PAX7: variants seen among roughly 807,000 people sequenced by gnomAD.
PAX7 encodes paired box 7, also known as paired box protein Pax-7.
A neutral mutation model predicts 50.7 loss-of-function variants in PAX7; 18 were observed. That is an observed-to-expected ratio of 0.36 (90% CI 0.25 to 0.53). PAX7 has a LOEUF of 0.53. Ranked by LOEUF, PAX7 falls within the 20% of genes least tolerant of loss-of-function variation. The pLI is 0.93. For synonymous variants in PAX7, 310 were observed against 290.4 expected, an observed-to-expected ratio of 1.07 and a Z score of -0.69; for missense variants, 644 against 702.9, an observed-to-expected ratio of 0.92 and a Z score of 0.95.
At chr1:18,658,358 G>T (rs11584925) in intron 4 of PAX7, among the ~76,000 whole-genome samples, 4 of 152,138 alleles carry the variant, frequency 2.6e-5, no homozygotes, top group African/African-American at 9.7e-5. Flanking sequence ...AGAGAAGGGG[G>T]TTCTGAAGCT....
chr1:18,737,664 G>A (rs933009466), intron 8 of PAX7, among the ~76,000 whole-genome samples: 1 of 152,272 alleles, frequency 6.6e-6, no homozygotes, highest in East Asian at 1.9e-4. Flanking sequence ...TCACATGCGT[G>A]CACATAAATG....
At chr1:18,640,179 G>A (rs918677868) in intron 4 of PAX7, among the ~76,000 whole-genome samples, 1 of 152,166 alleles carries the variant, frequency 6.6e-6, no homozygotes, top group Non-Finnish European at 1.5e-5. Flanking sequence ...GGGAAATGAC[G>A]GGGAAGGATC....
chr1:18,701,187 G>A (rs909730302), intron 6 of PAX7, among the ~76,000 whole-genome samples: 7 of 152,212 alleles, frequency 4.6e-5, no homozygotes, highest in African/African-American at 1.7e-4. Context: ...GCGAGGATTT[G>A]GAGGAGAGGA....
chr1:18,724,254 AG>A (rs1347990073), intron 7 of PAX7, among the ~76,000 whole-genome samples: 6 of 152,220 alleles, frequency 3.9e-5, no homozygotes, highest in African/African-American at 1.2e-4. Flanking sequence ...TGTCTTCCAC[AG>A]AGAAAACTGG....
chr1:18,700,650 C>T lies in PAX7; in HGVS notation c.787-3C>T. 6.5e-7 allele frequency: 1 copy of T among 1,543,660 alleles called. No homozygotes were observed. The highest frequency in any genetic ancestry group is 8.7e-7 in the Non-Finnish European group (1 of 1,145,526). ...TCTCCATTCTCTGCTCTCCACCTCCCAGGTCTGGTTCAGTAACCGCCGCGC... is the reference window on the plus strand; with the variant it reads ...TCTCCATTCTCTGCTCTCCACCTCCTAGGTCTGGTTCAGTAACCGCCGCGC... On this transcript the variant is annotated splice_polypyrimidine_tract_variant and splice_region_variant and intron_variant, in intron 5 of 8. Transcript: ENST00000420770. The surrounding 1 kb of genome is among the most constrained non-coding windows in gnomAD (Gnocchi z 4.8).
intron 4 of PAX7, among the ~76,000 whole-genome samples, chr1:18,664,631 G>A (rs1367609147): frequency 1.3e-5 from 2 of 152,190 alleles, no homozygotes; most frequent in Non-Finnish European, 2.9e-5. Flanking sequence ...GAGGCTCAGA[G>A]GATGACATCC....
chr1:18,661,774 C>A (rs2088602733), intron 4 of PAX7, among the ~76,000 whole-genome samples: 4 of 152,308 alleles, frequency 2.6e-5, no homozygotes, highest in Admixed American at 1.3e-4. Context: ...TAGTGTGGCT[C>A]CTTATTATGG....
intron 4 of PAX7, among the ~76,000 whole-genome samples, chr1:18,642,408 G>A (rs937978001): frequency 5.3e-5 from 8 of 152,222 alleles, no homozygotes; most frequent in Admixed American, 3.9e-4. Context: ...TGAGGGAAGG[G>A]TTCCTGCACA....
chr1:18,667,450 G>GGAAGGAAC (rs1352059845), intron 4 of PAX7, among the ~76,000 whole-genome samples: 1 of 147,112 alleles, frequency 6.8e-6, no homozygotes, highest in African/African-American at 2.5e-5. Context: ...AAGGAAGGAA[G>GGAAGGAAC]GAGCTTTGGT....
intron 7 of PAX7, among the ~76,000 whole-genome samples, chr1:18,714,815 G>T (rs751954849): frequency 6.6e-6 from 1 of 152,230 alleles, no homozygotes; most frequent in African/African-American, 2.4e-5. Flanking sequence ...TAGCAGGCCC[G>T]GGTTTAGCCT....
rs897598525 is a variant in PAX7, at chr1:18,635,332, T to C, written c.451+92T>C. ...GAGGTGGGAGAGAGGGGAGAGGAGA[T>C]GATGGCTGACTGTGAACTTACTGAG... is the stretch of plus-strand genomic sequence containing the variant. On this transcript the variant is annotated intron_variant, in intron 3 of 8. Coordinates refer to ENST00000420770, the MANE Select transcript of PAX7 (RefSeq NM_001135254.2). The C allele has an allele frequency of 3.6e-5, 52 of 1,449,920 alleles. No homozygotes were observed. In the African/African-American group the frequency reaches 7.2e-4, roughly 20 times the overall value. The allele number at this position is 1,449,920 out of a possible 1,614,324, so 89.8% of individuals were successfully genotyped here. A position where few individuals can be genotyped will look rare whatever the true frequency, so the allele number is the denominator to read the frequency against.
intron 7 of PAX7, among the ~76,000 whole-genome samples, chr1:18,703,817 C>T (rs970613611): frequency 6.6e-6 from 1 of 152,116 alleles, no homozygotes; most frequent in Non-Finnish European, 1.5e-5. Flanking sequence ...ATGAAGTGCC[C>T]CCTGCCACAT....
Position 18,700,781 on chromosome 1 carries a change from G to A in PAX7, c.915G>A (p.Leu305=). The A allele has an allele frequency of 6.3e-7, 1 of 1,577,764 alleles. No individual in the cohort carries two copies. Among genetic ancestry groups the A allele is most frequent in the Non-Finnish European group, 8.6e-7 (1 of 1,162,712 alleles). The stretch of plus-strand genomic sequence containing the variant: ...TGCCCACGCTGCCCCCCTACCAGCT[G>A]CCGGACTCCACCTACCCCACCACCA... ...TGMPTLPPYQ[L]PDSTYPTTTI... Residue 305 remains leucine (L), a synonymous_variant, in exon 6 of 9, where the codon CTG becomes CTA. Transcript: ENST00000420770. The surrounding 1 kb of genome is among the most constrained non-coding windows in gnomAD (Gnocchi z 4.8).
intron 8 of PAX7, among the ~76,000 whole-genome samples, chr1:18,742,028 G>A (rs952826473): frequency 1.3e-5 from 2 of 152,004 alleles, no homozygotes; most frequent in Non-Finnish European, 2.9e-5. Context: ...TAGAGTTGTT[G>A]TAAGAATTAA....
At chr1:18,665,076 A>T (rs2088649167) in intron 4 of PAX7, among the ~76,000 whole-genome samples, 2 of 152,188 alleles carry the variant, frequency 1.3e-5, no homozygotes. Context: ...GAGCTCCATT[A>T]CAGGGTGGTT....
At chr1:18,732,737 G>A (rs1570242662) in intron 7 of PAX7, among the ~76,000 whole-genome samples, 1 of 152,122 alleles carries the variant, frequency 6.6e-6, no homozygotes, top group Non-Finnish European at 1.5e-5. Flanking sequence ...TTCTGTGCAG[G>A]TCTCTGTCTT....
Position 18,634,233 on chromosome 1 carries a change from T to A in PAX7, c.86-70T>A, listed in dbSNP as rs1217419258. 3 of 1,239,592 alleles carry A rather than the reference T, an allele frequency of 2.4e-6. No homozygotes were observed. Among genetic ancestry groups the A allele is most frequent in the East Asian group, 5.1e-5 (2 of 39,544 alleles). The allele number at this position is 1,239,592 out of a possible 1,614,324, so 76.8% of individuals were successfully genotyped here. A position where few individuals can be genotyped will look rare whatever the true frequency, so the allele number is the denominator to read the frequency against. On this transcript the variant is annotated intron_variant, in intron 1 of 8. Coordinates refer to ENST00000420770, the MANE Select transcript of PAX7 (RefSeq NM_001135254.2). This position sits in a 1 kb window ranked among gnomAD's most constrained non-coding sequence, Gnocchi z 4.0. ...AACAAACAAAACTGGAGTCAGGGAG[T>A]GTACTCAGTGTCTGCTCTCCATCCT...
chr1:18,668,122 C>T (rs922082921), intron 4 of PAX7, among the ~76,000 whole-genome samples: 12 of 152,160 alleles, frequency 7.9e-5, no homozygotes, highest in African/African-American at 2.9e-4. Context: ...GCACCACAGC[C>T]CCATTAAATC....
chr1:18,706,458 C>CTTT (rs1202376646), intron 7 of PAX7, among the ~76,000 whole-genome samples: 15 of 135,136 alleles, frequency 1.1e-4, no homozygotes, highest in African/African-American at 4.2e-4. Context: ...CTCTCTCTCT[C>CTTT]TCTTTTTTTT....
Sources: gnomAD v4.1 joint callset for allele counts (sites outside exome capture counted in the v4.1 genomes callset) on GRCh38, gnomAD v4.1.1 for gene constraint, Gnocchi (gnomAD v3.1) non-coding constraint, MANE v1.5 for transcripts, NCBI Gene and HGNC (gene_info 2026-07-23, HGNC 2026-07-21) for gene names.